Variants in SLC4A4 observed in about 807,000 individuals in gnomAD.
SLC4A4 encodes the protein electrogenic sodium bicarbonate cotransporter 1.
SLC4A4 carries 27 observed loss-of-function variants against 111.5 expected under a neutral mutation model. The ratio of observed to expected loss-of-function variants is 0.24; its 90% CI spans 0.18 to 0.33. SLC4A4 has a LOEUF of 0.33. SLC4A4 is among the 10% of genes least tolerant of loss of function. The probability of loss-of-function intolerance (pLI) is 1.00; values close to 1 mark genes in which losing one functional copy is unlikely to be tolerated. For missense variants in SLC4A4, 909 were observed against 1,315.5 expected (o/e 0.69, Z 4.78); for synonymous variants, 443 against 463.4 (o/e 0.96, Z 0.57).
chr4:71,566,309 A>G (rs1737465657), intron 24 of SLC4A4, among the ~76,000 whole-genome samples: 1 of 151,902 alleles, frequency 6.6e-6, no homozygotes, highest in South Asian at 2.1e-4. Flanking sequence ...ACAGTCTAAC[A>G]GACATGTGCC....
intron 20 of SLC4A4, among the ~76,000 whole-genome samples, chr4:71,552,985 G>A (rs1476713081): frequency 6.6e-6 from 1 of 151,800 alleles, no homozygotes; most frequent in African/African-American, 2.4e-5. Flanking sequence ...TTGACCTCCT[G>A]TGACCCATGA....
At chr4:71,307,965 T>C (rs1230327919) in intron 3 of SLC4A4, among the ~76,000 whole-genome samples, 1 of 152,140 alleles carries the variant, frequency 6.6e-6, no homozygotes, top group Non-Finnish European at 1.5e-5. Flanking sequence ...CTAGATAGCC[T>C]TCTAAAACAC....
At chr4:71,299,499 C>G (rs1725051482) in intron 3 of SLC4A4, among the ~76,000 whole-genome samples, 1 of 152,180 alleles carries the variant, frequency 6.6e-6, no homozygotes, top group Non-Finnish European at 1.5e-5. Flanking sequence ...ATGGTACCTC[C>G]TATAAGCCTC....
At chr4:71,515,690 C>T (rs1732317355) in intron 16 of SLC4A4, among the ~76,000 whole-genome samples, 1 of 152,178 alleles carries the variant, frequency 6.6e-6, no homozygotes, top group East Asian at 1.9e-4. Context: ...GTTATATCCT[C>T]TTCCTGGATT....
At chr4:71,338,073 TCCAC>T (rs999615468) in intron 3 of SLC4A4, among the ~76,000 whole-genome samples, 1 of 151,992 alleles carries the variant, frequency 6.6e-6, no homozygotes, top group Non-Finnish European at 1.5e-5. Context: ...CCTCAGGTGA[TCCAC>T]CCGCCTCGGC....
At chr4:71,418,978 G>A (rs1287394222) in intron 7 of SLC4A4, among the ~76,000 whole-genome samples, 1 of 152,164 alleles carries the variant, frequency 6.6e-6, no homozygotes, top group Non-Finnish European at 1.5e-5. Flanking sequence ...GTTTGCCTGG[G>A]TATCCGCAGC....
Position 71,509,627 on chromosome 4 carries a change from G to C in SLC4A4, c.2166+11935G>C, listed in dbSNP as rs1020443954. 2.0e-5 allele frequency among the ~76,000 whole-genome samples: 3 copies of C among 152,110 alleles called. No homozygotes were observed. In the East Asian group the frequency reaches 5.8e-4, roughly 29 times the overall value. ...GAATGCCTGGGCCAGTTTCAGAACT[G>C]GGAACATTTGTGCATGATGGGTCAG... On this transcript the variant is annotated intron_variant, in intron 16 of 25. Coordinates refer to ENST00000264485, the MANE Select transcript of SLC4A4 (RefSeq NM_001098484.3).
intron 2 of SLC4A4, among the ~76,000 whole-genome samples, chr4:71,101,839 C>T (rs1035772251): frequency 5.9e-5 from 9 of 151,804 alleles, no homozygotes; most frequent in African/African-American, 1.9e-4. Flanking sequence ...AACAGAAAAA[C>T]GGGAAACTCT....
intron 7 of SLC4A4, among the ~76,000 whole-genome samples, chr4:71,426,673 A>G (rs763483397): frequency 1.2e-4 from 19 of 152,144 alleles, no homozygotes; most frequent in Non-Finnish European, 1.2e-4. Flanking sequence ...GCTTCCTTCT[A>G]CATCCCAGCC....
At chr4:71,503,862 C>A (rs1393242105) in intron 16 of SLC4A4, among the ~76,000 whole-genome samples, 1 of 152,140 alleles carries the variant, frequency 6.6e-6, no homozygotes, top group Non-Finnish European at 1.5e-5. Flanking sequence ...TAAGACTGAT[C>A]TAGCAATAAT....
chr4:71,519,646 A>ATT (rs10635693), intron 16 of SLC4A4, among the ~76,000 whole-genome samples: 88,202 of 151,352 alleles, frequency 0.58, 28,495 homozygotes, highest in Non-Finnish European at 0.74. Flanking sequence ...TAAGAACATC[A>ATT]TTTTTTTTGA....
chr4:71,379,938 T>G (rs1192347852), intron 6 of SLC4A4, among the ~76,000 whole-genome samples: 1 of 152,130 alleles, frequency 6.6e-6, no homozygotes, highest in Non-Finnish European at 1.5e-5. Flanking sequence ...TTGTTCCTCA[T>G]CCAGGGTCTA....
intron 1 of SLC4A4, among the ~76,000 whole-genome samples, chr4:71,196,629 G>T (rs544653539): frequency 6.6e-6 from 1 of 151,412 alleles, no homozygotes; most frequent in Non-Finnish European, 1.5e-5. Flanking sequence ...TGGTCCTCAC[G>T]GTGGCCAGAA....
chr4:71,250,991 T>C (rs2602071), intron 2 of SLC4A4, among the ~76,000 whole-genome samples: 135,364 of 152,152 alleles, frequency 0.89, 61,750 homozygotes, highest in Non-Finnish European at 0.99. Flanking sequence ...CTCGCAGTGC[T>C]TGGCATGCTT....
chr4:71,091,300 T>A (rs1439590207), intron 1 of SLC4A4, among the ~76,000 whole-genome samples: 1 of 149,716 alleles, frequency 6.7e-6, no homozygotes, highest in Non-Finnish European at 1.5e-5. Flanking sequence ...TTGCCCGGGC[T>A]GGAGTGCAGT....
intron 14 of SLC4A4, among the ~76,000 whole-genome samples, chr4:71,485,675 A>T (rs769908343): frequency 1.3e-5 from 2 of 151,636 alleles, no homozygotes; most frequent in Non-Finnish European, 3.0e-5. Context: ...TTGAAAGACC[A>T]GAGTGAATTC....
intron 12 of SLC4A4, among the ~76,000 whole-genome samples, chr4:71,464,150 C>T (rs529031975): frequency 6.6e-6 from 1 of 152,244 alleles, no homozygotes; most frequent in African/African-American, 2.4e-5. Context: ...ACATAGAAAG[C>T]CCACTGTCTA....
intron 13 of SLC4A4, among the ~76,000 whole-genome samples, chr4:71,466,950 AGAGAGAGAGAGAGAGG>A (rs963026029): frequency 1.7e-5 from 2 of 116,672 alleles, no homozygotes; most frequent in Non-Finnish European, 3.4e-5. Flanking sequence ...AGAGAGAGAG[AGAGAGAGAGAGAGAGG>A]GAGAGAGAGA....
rs189112243 is a variant in SLC4A4 at position 71,525,394 on chromosome 4, G to A, written c.2167-6668G>A. ...TCAAAACTAGTCTGATATAAAAAAG[G>A]CATTACAGTCTTAACTGAGACATGC... On this transcript the variant is annotated intron_variant, in intron 16 of 25. Coordinates refer to ENST00000264485, the MANE Select transcript of SLC4A4 (RefSeq NM_001098484.3). Among the ~76,000 whole-genome samples, 589 of 152,126 alleles carry A rather than the reference G, an allele frequency of 3.9e-3. 6 individuals are homozygous for A. Among genetic ancestry groups the A allele is most frequent in the African/African-American group, 0.013 (544 of 41,524 alleles).
Sources: allele counts gnomAD v4.1 joint callset (sites outside exome capture counted in the v4.1 genomes callset), GRCh38; gene constraint gnomAD v4.1.1; transcripts MANE v1.5; gene names NCBI Gene and HGNC (gene_info 2026-07-23, HGNC 2026-07-21).